Variants in PCCA observed in about 807,000 individuals in gnomAD.
PCCA encodes propionyl-CoA carboxylase alpha chain, mitochondrial.
A neutral mutation model predicts 101.3 loss-of-function variants in PCCA; 74 were observed. That is an observed-to-expected ratio of 0.73 (90% confidence interval 0.61 to 0.89). PCCA has a LOEUF of 0.89. Among genes scored for constraint, PCCA ranks in the 40% least tolerant of loss-of-function variants. The pLI is 0.00. For synonymous variants in PCCA, 294 were observed against 313.6 expected (o/e 0.94, Z 0.66); for missense variants, 891 against 907.0 (o/e 0.98, Z 0.23).
intron 20 of PCCA, among the ~76,000 whole-genome samples, chr13:100,434,134 A>G (rs980599235): frequency 6.6e-6 from 1 of 152,166 alleles, no homozygotes; most frequent in African/African-American, 2.4e-5. Flanking sequence ...ATGACCTGCT[A>G]CTGTTGTAGA....
At chr13:100,471,208 A>T (rs1380517347) in intron 21 of PCCA, among the ~76,000 whole-genome samples, 1 of 152,064 alleles carries the variant, frequency 6.6e-6, no homozygotes, top group Non-Finnish European at 1.5e-5. Flanking sequence ...GAGATGGGGG[A>T]TTGGCCAGAT....
intron 12 of PCCA, among the ~76,000 whole-genome samples, chr13:100,296,987 A>G (rs2065592333): frequency 6.6e-6 from 1 of 152,148 alleles, no homozygotes; most frequent in African/African-American, 2.4e-5. Context: ...TTTTTTGGTC[A>G]GTTGTGATCT....
At chr13:100,398,423 T>C (rs1197166328) in intron 19 of PCCA, among the ~76,000 whole-genome samples, 1 of 152,186 alleles carries the variant, frequency 6.6e-6, no homozygotes, top group African/African-American at 2.4e-5. Context: ...ACAAAAAATA[T>C]ACGCACTTGC....
At chr13:100,112,892 TTTAG>T (rs936084793) in intron 4 of PCCA, among the ~76,000 whole-genome samples, 23 of 152,258 alleles carry the variant, frequency 1.5e-4, no homozygotes, top group African/African-American at 5.5e-4. Flanking sequence ...AGGGATTTTT[TTTAG>T]TAGTAATGTT....
chr13:100,260,118 C>T (rs960998628), intron 9 of PCCA, among the ~76,000 whole-genome samples: 1 of 152,086 alleles, frequency 6.6e-6, no homozygotes, highest in African/African-American at 2.4e-5. Context: ...TATATCCAAT[C>T]TAATAAAAAG....
intron 10 of PCCA, among the ~76,000 whole-genome samples, chr13:100,267,393 T>C (rs2063011579): frequency 6.6e-6 from 1 of 152,202 alleles, no homozygotes; most frequent in Non-Finnish European, 1.5e-5. Flanking sequence ...GGTTTGTTCC[T>C]AAAAATTAAC....
intron 6 of PCCA, among the ~76,000 whole-genome samples, chr13:100,184,139 T>C (rs1594596185): frequency 1.3e-5 from 2 of 152,126 alleles, no homozygotes; most frequent in South Asian, 2.1e-4. Flanking sequence ...AGCAGGCACG[T>C]CTTACATGAA....
intron 5 of PCCA, 85 bp downstream of exon 5, chr13:100,155,177 G>A: frequency 1.1e-6 from 1 of 911,728 alleles, no homozygotes; most frequent in East Asian, 2.5e-5. Context: ...AAAAAAATAG[G>A]AAAGAATGAT....
intron 21 of PCCA, among the ~76,000 whole-genome samples, chr13:100,461,132 G>C (rs985119429): frequency 6.6e-6 from 1 of 152,318 alleles, no homozygotes; most frequent in Admixed American, 6.5e-5. Flanking sequence ...ATGGAGTTGT[G>C]GAGGACAGCA....
chr13:100,340,323 G>A (rs1345511066), intron 18 of PCCA, 64 bp downstream of exon 18: 9 of 857,116 alleles, frequency 1.1e-5, no homozygotes, highest in East Asian at 2.4e-5. Flanking sequence ...AGTCTACATA[G>A]GAAATACTAA....
intron 1 of PCCA, among the ~76,000 whole-genome samples, chr13:100,090,835 G>C (rs1159884934): frequency 2.0e-5 from 3 of 152,226 alleles, no homozygotes; most frequent in African/African-American, 4.8e-5. Context: ...AATGTGACTT[G>C]CTCGAAGCTA....
At chr13:100,257,494 A>G in intron 8 of PCCA, 101 bp from the exon 9 acceptor site, 1 of 838,798 alleles carries the variant, frequency 1.2e-6, no homozygotes. Flanking sequence ...TAAATAAATT[A>G]ATTATTGTTT....
rs3034643 is a variant in PCCA at position 100,125,135 on chromosome 13, T to TTGTGTGTGTGTGTGTGTG, written c.300+13084_300+13101dup. 4.8e-3 allele frequency among the ~76,000 whole-genome samples: 710 copies of TTGTGTGTGTGTGTGTGTG among 149,218 alleles called. 7 individuals carry two copies. The highest frequency in any genetic ancestry group is 0.017 in the African/African-American group (673 of 40,324). On this transcript the variant is annotated intron_variant, in intron 4 of 23. Coordinates refer to ENST00000376285, the MANE Select transcript of PCCA (RefSeq NM_000282.4). ...TGAAAAGTATCAGGTGACCTTTTATTTGTGTGTGTGTGTGTGTGTGTGTGT... is the reference window on the plus strand; with the variant it reads ...TGAAAAGTATCAGGTGACCTTTTATTTGTGTGTGTGTGTGTGTGTGTGTGTGTGTGTGTGTGTGTGTGT...
intron 21 of PCCA, among the ~76,000 whole-genome samples, chr13:100,502,639 C>A (rs2085764154): frequency 6.6e-6 from 1 of 152,146 alleles, no homozygotes; most frequent in Non-Finnish European, 1.5e-5. Context: ...TTACTTTTGG[C>A]ATTTCTGGCC....
chr13:100,423,660 G>A (rs1480913317), intron 19 of PCCA, among the ~76,000 whole-genome samples: 1 of 152,200 alleles, frequency 6.6e-6, no homozygotes, highest in East Asian at 1.9e-4. Flanking sequence ...CTTTGTCAGA[G>A]GCCCTCTACC....
chr13:100,515,673 T>A, intron 22 of PCCA, 106 bp downstream of exon 22: 1 of 1,381,894 alleles, frequency 7.2e-7, no homozygotes, highest in Non-Finnish European at 1.0e-6. Context: ...AGTTCTTACT[T>A]AACCGACGCC....
intron 6 of PCCA, among the ~76,000 whole-genome samples, chr13:100,190,960 G>C (rs1211256637): frequency 6.6e-6 from 1 of 152,068 alleles, no homozygotes; most frequent in Non-Finnish European, 1.5e-5. Context: ...AGCCAGGCAT[G>C]GTGGTGTGCG....
In PCCA at chr13:100,221,697, A is replaced by G. The variant is rs920770813; in HGVS notation, c.600+12234A>G. The stretch of plus-strand genomic sequence containing the variant: ...AACCTGCAGGTTATAGTTTCCAGAT[A>G]AGCATTTACAAATAATTTTTAAGGA... On this transcript the variant is annotated intron_variant, in intron 7 of 23. Transcript: ENST00000376285. Among the ~76,000 whole-genome samples the G allele has an allele frequency of 2.6e-4, 40 of 152,104 alleles. 1 individual carries two copies. Among genetic ancestry groups the G allele is most frequent in the African/African-American group, 9.4e-4 (39 of 41,498 alleles).
chr13:100,428,186 C>T (rs1045167778), intron 20 of PCCA, among the ~76,000 whole-genome samples: 8 of 152,018 alleles, frequency 5.3e-5, no homozygotes, highest in African/African-American at 1.9e-4. Context: ...CCCACCTGAG[C>T]CCCCCAGGTA....
Sources: allele counts gnomAD v4.1 joint callset (sites outside exome capture counted in the v4.1 genomes callset), GRCh38; gene constraint gnomAD v4.1.1; transcripts MANE v1.5; gene names NCBI Gene and HGNC (gene_info 2026-07-23, HGNC 2026-07-21).